The following KIF5C variants were observed in gnomAD, a reference collection of about 807,000 sequenced individuals.
KIF5C encodes the protein kinesin heavy chain isoform 5C.
A neutral mutation model predicts 125.2 loss-of-function variants in KIF5C; 18 were observed. The observed-to-expected ratio is 0.14, with a 90% CI of 0.10 to 0.21. The LOEUF is 0.21. KIF5C is among the 10% of genes least tolerant of loss of function. The pLI, the probability that KIF5C is intolerant of heterozygous loss-of-function variation, is 1.00. For missense variants in KIF5C, 780 were observed against 1,183.8 expected, an observed-to-expected ratio of 0.66 and a Z score of 5.01; for synonymous variants, 405 against 434.0, an observed-to-expected ratio of 0.93 and a Z score of 0.83.
At chr2:148,887,895 T>C (rs995033686) in intron 1 of KIF5C, among the ~76,000 whole-genome samples, 1 of 151,980 alleles carries the variant, frequency 6.6e-6, no homozygotes, top group African/African-American at 2.4e-5. Flanking sequence ...TTGAATGTTG[T>C]TGAGGAAAGA....
chr2:148,950,478 C>T lies in KIF5C; in HGVS notation c.968+16C>T. On this transcript the variant is annotated intron_variant, in intron 10 of 25. Coordinates refer to ENST00000435030, the MANE Select transcript of KIF5C (RefSeq NM_004522.3). ...TCGGACAGAGGTACGTGTGGTCTCT[C>T]AGGACCCATCCTCTGTGCTAGGTCT... 1 of 1,609,810 alleles carries T rather than the reference C, an allele frequency of 6.2e-7. No homozygotes were observed. Among genetic ancestry groups the T allele is most frequent in the Non-Finnish European group, 8.5e-7 (1 of 1,177,710 alleles).
intron 1 of KIF5C, among the ~76,000 whole-genome samples, chr2:148,911,183 C>T (rs1380332843): frequency 3.3e-5 from 5 of 152,092 alleles, no homozygotes; most frequent in African/African-American, 1.2e-4. Flanking sequence ...TGTGCCTTTC[C>T]ATGTGAGAGA....
intron 23 of KIF5C, among the ~76,000 whole-genome samples, chr2:149,008,501 T>C (rs1023803764): frequency 3.3e-5 from 5 of 152,138 alleles, no homozygotes; most frequent in African/African-American, 9.7e-5. Flanking sequence ...CCTTGCTTCA[T>C]TGCACCGTGG....
At chr2:148,898,478 T>C (rs553516109) in intron 1 of KIF5C, among the ~76,000 whole-genome samples, 1 of 152,262 alleles carries the variant, frequency 6.6e-6, no homozygotes, top group African/African-American at 2.4e-5. Context: ...GGAGTTATGG[T>C]TGTTAACCAT....
intron 1 of KIF5C, chr2:148,888,140 G>C (rs994582560): frequency 6.6e-6 from 1 of 152,206 alleles, no homozygotes; most frequent in Non-Finnish European, 1.5e-5. Flanking sequence ...CTGCCGCCCT[G>C]GTGCCTGGCT....
At chr2:148,998,357 T>C in intron 18 of KIF5C, 43 bp from the exon 19 acceptor site, 1 of 1,551,474 alleles carries the variant, frequency 6.4e-7, no homozygotes, top group Non-Finnish European at 8.7e-7. Context: ...GTGGGCTGAG[T>C]GCCAACGAGT....
At chr2:148,927,173 T>C (rs1007607584) in intron 2 of KIF5C, among the ~76,000 whole-genome samples, 1 of 151,700 alleles carries the variant, frequency 6.6e-6, no homozygotes, top group African/African-American at 2.4e-5. Context: ...AGCGATGGAG[T>C]AAGAGTTAGT....
At chr2:149,008,357 C>T (rs1274090800) in intron 23 of KIF5C, among the ~76,000 whole-genome samples, 2 of 152,200 alleles carry the variant, frequency 1.3e-5, no homozygotes, top group East Asian at 3.9e-4. Flanking sequence ...ATCCTGCCTC[C>T]ACCCCTGACT....
intron 15 of KIF5C, among the ~76,000 whole-genome samples, chr2:148,988,129 TA>T (rs1433036229): frequency 6.6e-6 from 1 of 151,894 alleles, no homozygotes; most frequent in Non-Finnish European, 1.5e-5. Context: ...GGGACAGTTA[TA>T]AATAAAATTT....
rs1286999670 is a variant in KIF5C, at chr2:148,973,503, G to T, written c.1285G>T (p.Asp429Tyr). 1 of 1,607,734 alleles carries T rather than the reference G, an allele frequency of 6.2e-7. No individual in the cohort carries two copies. The change falls in exon 12 of 26, where the codon GAT becomes TAT. Residue 429 changes from aspartate (D) to tyrosine (Y), a missense_variant. Physicochemically the swap from Asp to Tyr is radical, Grantham distance 160 (BLOSUM62 -3). Transcript: ENST00000435030. ...GATCTCCAGTCTCTACAGACAACTG[G>T]ATGACAAGGTCTGTGGCCAGAGATT... ...EEISSLYRQL[D>Y]DKDDEINQQS...
At chr2:149,010,484 C>A (rs997760891) in intron 24 of KIF5C, 133 bp downstream of exon 24, 7 of 1,414,986 alleles carry the variant, frequency 4.9e-6, no homozygotes, top group Non-Finnish European at 6.5e-6. Context: ...CCGCAGGACG[C>A]AGCCCTCACC....
Position 148,941,673 on chromosome 2 carries a change from T to G in KIF5C, c.445+15T>G. The G allele has an allele frequency of 6.4e-7, 1 of 1,556,178 alleles. No individual in the cohort carries two copies. Among genetic ancestry groups the G allele is most frequent in the Non-Finnish European group, 8.7e-7 (1 of 1,148,846 alleles). Reference sequence around the variant, plus strand: ...CTTACTTGATGGTAAGTAACCTCAGTGCTTGTCCTTTATTTGTTCTGTAAC... The same window carrying G: ...CTTACTTGATGGTAAGTAACCTCAGGGCTTGTCCTTTATTTGTTCTGTAAC... On this transcript the variant is annotated intron_variant, in intron 5 of 25. Transcript: ENST00000435030.
chr2:148,895,827 A>C (rs1385600242), intron 1 of KIF5C, among the ~76,000 whole-genome samples: 2 of 146,446 alleles, frequency 1.4e-5, no homozygotes, highest in Non-Finnish European at 3.0e-5. Flanking sequence ...ATGTCCTCAC[A>C]TGCCTGCTTT....
At chr2:149,009,672 C>A (rs1346693322) in intron 23 of KIF5C, among the ~76,000 whole-genome samples, 2 of 152,180 alleles carry the variant, frequency 1.3e-5, no homozygotes, top group African/African-American at 4.8e-5. Context: ...AAACCCCATG[C>A]CAGTGTAAAC....
At chr2:148,980,767 A>G (rs759352474) in intron 13 of KIF5C, among the ~76,000 whole-genome samples, 22 of 151,742 alleles carry the variant, frequency 1.4e-4, no homozygotes, top group Non-Finnish European at 2.2e-4. Context: ...GTGCAGTGGC[A>G]TCATCTCGGC....
At chr2:148,960,907 A>T (rs1682909991) in intron 10 of KIF5C, among the ~76,000 whole-genome samples, 1 of 152,260 alleles carries the variant, frequency 6.6e-6, no homozygotes, top group Non-Finnish European at 1.5e-5. Flanking sequence ...AAGTAAGCCT[A>T]AGTGGAGTTT....
At chr2:148,959,261 C>G (rs189252379) in intron 10 of KIF5C, among the ~76,000 whole-genome samples, 20 of 152,120 alleles carry the variant, frequency 1.3e-4, no homozygotes, top group African/African-American at 4.6e-4. Context: ...TGTTTTTATT[C>G]CAAGATTTCT....
chr2:149,001,631 C>T (rs1183834442), intron 21 of KIF5C, among the ~76,000 whole-genome samples: 1 of 152,204 alleles, frequency 6.6e-6, no homozygotes, highest in Non-Finnish European at 1.5e-5. Flanking sequence ...TTGGCATCAT[C>T]TCCTCTGGTC....
intron 19 of KIF5C, 63 bp from the exon 20 acceptor site, chr2:149,000,360 T>C: frequency 6.5e-7 from 1 of 1,529,666 alleles, no homozygotes; most frequent in Non-Finnish European, 8.9e-7. Flanking sequence ...ACCACGGTTT[T>C]AGCCTGATGA....
Sources: allele counts gnomAD v4.1 joint callset (sites outside exome capture counted in the v4.1 genomes callset), GRCh38; gene constraint gnomAD v4.1.1; transcripts MANE v1.5; gene names NCBI Gene and HGNC (gene_info 2026-07-23, HGNC 2026-07-21).